SI: variants seen among roughly 807,000 people sequenced by gnomAD.
The protein encoded by SI is sucrase-isomaltase, intestinal.
SI carries 235 observed loss-of-function variants against 253.3 expected under a neutral mutation model. That is an observed-to-expected ratio of 0.93 (90% CI 0.83 to 1.03). The LOEUF (loss-of-function observed/expected upper bound fraction) is 1.03. SI is among the 50% of genes least tolerant of loss of function. SI has a pLI of 0.00. For synonymous variants in SI, 819 were observed against 712.0 expected, an observed-to-expected ratio of 1.15 and a Z score of -2.39; for missense variants, 2,442 against 2,211.1, an observed-to-expected ratio of 1.10 and a Z score of -2.09.
At chr3:165,046,048 C>T (rs1713094846) in intron 16 of SI, among the ~76,000 whole-genome samples, 1 of 151,802 alleles carries the variant, frequency 6.6e-6, no homozygotes, top group South Asian at 2.1e-4. Context: ...CCAGGCTGGT[C>T]TCAAACTCCT....
rs772165257 is a variant in SI at position 165,001,040 on chromosome 3, T to C, written c.4407-2367A>G. Among the ~76,000 whole-genome samples the C allele has an allele frequency of 7.3e-5, 11 of 151,452 alleles. No homozygotes were observed. In the East Asian group the frequency reaches 1.7e-3, roughly 24 times the overall value. The stretch of plus-strand genomic sequence containing the variant: ...AAAATGAAATATGTGAAGAGAATAT[T>C]AAATTTAAAAATTTAAAACATATTT... On this transcript the variant is annotated intron_variant, in intron 37 of 47. Coordinates refer to ENST00000264382, the MANE Select transcript of SI (RefSeq NM_001041.4).
chr3:165,037,910 T>G lies in SI; in HGVS notation c.2416A>C (p.Thr806Pro), dbSNP rs1339490445. The G allele has an allele frequency of 1.2e-6, 2 of 1,603,570 alleles. No homozygotes were observed. The highest frequency in any genetic ancestry group is 2.7e-5 in the African/African-American group (2 of 74,670). Residue 806 changes from threonine (T) to proline (P), a missense_variant, in exon 21 of 48, where the codon ACA becomes CCA. Physicochemically the swap from Thr to Pro is conservative, Grantham distance 38. Coordinates refer to ENST00000264382, the MANE Select transcript of SI (RefSeq NM_001041.4). ...IIPIQEPDVT[T>P]TASRKNPLGL... ...GATTTTTCATTTTACCTTGCTGTTG[T>G]TGTTACATCTGGTTCTTGAATGGGG...
intron 30 of SI, 29 bp downstream of exon 30, chr3:165,017,732 A>T (rs778285268): frequency 2.1e-5 from 33 of 1,597,528 alleles, no homozygotes; most frequent in African/African-American, 1.6e-4. Context: ...AAAATTTTTA[A>T]TTTTTTTAAA....
At chr3:165,068,858 G>A (rs775881824) in intron 4 of SI, 27 bp from the exon 5 acceptor site, 3 of 1,394,712 alleles carry the variant, frequency 2.2e-6, no homozygotes, top group African/African-American at 2.8e-5. Context: ...AAGCTGCCAT[G>A]AGTGACTTGA....
intron 12 of SI, among the ~76,000 whole-genome samples, chr3:165,056,834 C>G (rs1273094726): frequency 6.6e-6 from 1 of 152,064 alleles, no homozygotes; most frequent in Non-Finnish European, 1.5e-5. Context: ...ACCCAAGTCC[C>G]TTAGAATACC....
At chr3:164,986,120 G>GT (rs1717421468) in intron 45 of SI, among the ~76,000 whole-genome samples, 1 of 152,104 alleles carries the variant, frequency 6.6e-6, no homozygotes, top group Non-Finnish European at 1.5e-5. Context: ...CTACCTCCTT[G>GT]TTGTAGAGGC....
chr3:165,022,115 C>A (rs2108185169), intron 26 of SI, among the ~76,000 whole-genome samples: 1 of 151,542 alleles, frequency 6.6e-6, no homozygotes, highest in African/African-American at 2.4e-5. Flanking sequence ...TGTTAAATAT[C>A]TTCTTATGAG....
chr3:165,056,142 A>AC (rs1713684116), intron 12 of SI, among the ~76,000 whole-genome samples: 1 of 152,184 alleles, frequency 6.6e-6, no homozygotes, highest in Non-Finnish European at 1.5e-5. Flanking sequence ...TTTGTATCCA[A>AC]ACATTTCAAA....
At chr3:165,058,015 T>C (rs1024324450) in intron 12 of SI, among the ~76,000 whole-genome samples, 1 of 151,588 alleles carries the variant, frequency 6.6e-6, no homozygotes, top group Admixed American at 6.6e-5. Context: ...TTCTCAAGGG[T>C]AGACCATATG....
Position 165,032,578 on chromosome 3 carries a change from C to A in SI, c.2680G>T (p.Glu894Ter). 6.2e-7 allele frequency: 1 copy of A among 1,609,488 alleles called. No individual in the cohort carries two copies. Among genetic ancestry groups the A allele is most frequent in the Non-Finnish European group, 8.5e-7 (1 of 1,177,066 alleles). ...TDSVTEVRVA[E>*]NNQPMNAHSN... ...TGAGCGTTCATTGGTTGATTATTTTCCGCCACTCTAACTTCTGTAACACTG... is the reference window on the plus strand; with the variant it reads ...TGAGCGTTCATTGGTTGATTATTTTACGCCACTCTAACTTCTGTAACACTG... Residue 894 changes from glutamate to a stop codon, truncating the protein, a stop_gained, in exon 24 of 48, where the codon GAA becomes TAA. Transcript: ENST00000264382. LOFTEE classifies it high-confidence loss of function.
Position 164,982,341 on chromosome 3 carries a change from G to A in SI, c.5317C>T (p.His1773Tyr), listed in dbSNP as rs1364778488. The change falls in exon 47 of 48, where the codon CAT becomes TAT. Residue 1773 changes from histidine (H) to tyrosine (Y), a missense_variant. By Grantham distance (83) the His-to-Tyr change is moderately conservative. Coordinates refer to ENST00000264382, the MANE Select transcript of SI (RefSeq NM_001041.4). ...NKSETRLGSL[H>Y]VWGKGTTPVN... ...GGAGTAGTTCCTTTCCCCCATACAT[G>A]AAGGGATCCAAGCCTCGTTTCACTT... 7.4e-6 allele frequency: 12 copies of A among 1,612,206 alleles called. No individual in the cohort carries two copies. Among genetic ancestry groups the A allele is most frequent in the South Asian group, 1.1e-5 (1 of 91,046 alleles).
intron 3 of SI, among the ~76,000 whole-genome samples, chr3:165,070,949 A>G (rs571719013): frequency 6.6e-6 from 1 of 152,140 alleles, no homozygotes; most frequent in South Asian, 2.1e-4. Flanking sequence ...GCTCCTGGCA[A>G]TCCTTGGCAT....
intron 22 of SI, among the ~76,000 whole-genome samples, chr3:165,034,285 A>G (rs1023577588): frequency 6.6e-6 from 1 of 151,948 alleles, no homozygotes; most frequent in African/African-American, 2.4e-5. Flanking sequence ...AACTGATTGA[A>G]TTATATTATT....
At chr3:165,040,051 G>C in intron 18 of SI, 80 bp from the exon 19 acceptor site, 1 of 1,120,338 alleles carries the variant, frequency 8.9e-7, no homozygotes, top group Non-Finnish European at 1.4e-6. Context: ...TATCTTTTCA[G>C]TTTTTTCCTG....
intron 20 of SI, 25 bp downstream of exon 20, chr3:165,039,053 C>G (rs753083016): frequency 6.8e-7 from 1 of 1,464,454 alleles, no homozygotes. Context: ...ACTTGTGAGT[C>G]CATTAGTATG....
At chr3:165,048,633 T>C (rs1197042719) in intron 15 of SI, among the ~76,000 whole-genome samples, 1 of 150,486 alleles carries the variant, frequency 6.6e-6, no homozygotes, top group Non-Finnish European at 1.5e-5. Context: ...TTGTTTGTTT[T>C]TGGAGACTGA....
At chr3:165,016,746 C>T (rs1319584566) in intron 31 of SI, among the ~76,000 whole-genome samples, 2 of 151,854 alleles carry the variant, frequency 1.3e-5, no homozygotes. Context: ...TGTTAGTTGA[C>T]ATTATCTCAA....
intron 27 of SI, among the ~76,000 whole-genome samples, chr3:165,020,827 A>G (rs1711559251): frequency 6.6e-6 from 1 of 151,758 alleles, no homozygotes; most frequent in South Asian, 2.1e-4. Flanking sequence ...CCTGGCAGAT[A>G]AATTATTAAT....
At chr3:165,079,898 A>G (rs1715238431), upstream of SI, among the ~76,000 whole-genome samples, 1 of 151,898 alleles carries the variant, frequency 6.6e-6, no homozygotes, top group African/African-American at 2.4e-5. Context: ...GAGATACGCC[A>G]TATTCATAGA....
Sources: allele counts gnomAD v4.1 joint callset (sites outside exome capture counted in the v4.1 genomes callset), GRCh38; gene constraint gnomAD v4.1.1; transcripts MANE v1.5; gene names NCBI Gene and HGNC (gene_info 2026-07-23, HGNC 2026-07-21).